Variants in FRMD6 observed in about 807,000 individuals in gnomAD.
The protein encoded by FRMD6 is FERM domain-containing protein 6.
FRMD6 carries 37 observed loss-of-function variants against 73.2 expected under a neutral mutation model. That is an observed-to-expected ratio of 0.51 (90% CI 0.39 to 0.66). The LOEUF is 0.66. FRMD6 is among the 30% of genes least tolerant of loss of function. The probability of loss-of-function intolerance (pLI) is 0.00; values close to 1 mark genes in which losing one functional copy is unlikely to be tolerated. For synonymous variants in FRMD6, 273 were observed against 282.2 expected, an observed-to-expected ratio of 0.97 and a Z score of 0.33; for missense variants, 714 against 780.5, an observed-to-expected ratio of 0.91 and a Z score of 1.02.
chr14:51,406,591 T>G, the FRMD6 span, among the ~76,000 whole-genome samples: 2 of 152,128 alleles, frequency 1.3e-5, no homozygotes, highest in Non-Finnish European at 2.9e-5. Flanking sequence ...CAATTGTGAG[T>G]GGGATTGCCT....
intron 2 of FRMD6, among the ~76,000 whole-genome samples, chr14:51,633,598 CAAAAAAAAA>C (rs375453243): frequency 8.7e-4 from 40 of 45,872 alleles, no homozygotes; most frequent in African/African-American, 2.0e-3. Context: ...AAGACCCTGT[CAAAAAAAAA>C]AAAAAAAAAA....
At chr14:51,439,780 G>A in the FRMD6 span, among the ~76,000 whole-genome samples, 1 of 152,140 alleles carries the variant, frequency 6.6e-6, no homozygotes, top group South Asian at 2.1e-4. Context: ...GTCAATTAGG[G>A]TTTGTTGGAA....
At position 51,492,522 on chromosome 14, in the gene FRMD6, C is replaced by A. The variant is rs187219924; in HGVS notation, c.-210+3102C>A. On this transcript the variant is annotated intron_variant, in intron 1 of 14. Transcript: ENST00000356218. ...GCATACCGAGACCTATCCCCTTAAACGTCTTAGAAACTATTTTTATTGTAT... is the reference window on the plus strand; with the variant it reads ...GCATACCGAGACCTATCCCCTTAAAAGTCTTAGAAACTATTTTTATTGTAT... Among the ~76,000 whole-genome samples the A allele has an allele frequency of 3.3e-5, 5 of 152,062 alleles. No individual in the cohort carries two copies. The South Asian group carries it at 1.0e-3, about 32-fold the overall frequency.
At chr14:51,642,902 G>A (rs1891874959) in intron 2 of FRMD6, among the ~76,000 whole-genome samples, 1 of 152,316 alleles carries the variant, frequency 6.6e-6, no homozygotes, top group South Asian at 2.1e-4. Context: ...AGCCAGGGGA[G>A]CAGGGGATAC....
At chr14:51,688,510 A>T (rs1895329392) in intron 1 of FRMD6, among the ~76,000 whole-genome samples, 1 of 152,102 alleles carries the variant, frequency 6.6e-6, no homozygotes, top group African/African-American at 2.4e-5. Context: ...ATCGGCCAAG[A>T]TTCTATTTCA....
intron 2 of FRMD6, among the ~76,000 whole-genome samples, chr14:51,601,436 T>C (rs951030937): frequency 5.3e-5 from 8 of 152,172 alleles, no homozygotes; most frequent in African/African-American, 1.9e-4. Flanking sequence ...GGAAATGCTG[T>C]CACATCAACC....
chr14:51,428,954 G>GGGGGAGAGAGAGGGGGAGAGAGAGA, the FRMD6 span, among the ~76,000 whole-genome samples: 1 of 55,902 alleles, frequency 1.8e-5, no homozygotes, highest in Non-Finnish European at 3.6e-5. Flanking sequence ...GAGAGACAGA[G>GGGGGAGAGAGAGGGGGAGAGAGAGA]GGGGAGAGAG....
intron 9 of FRMD6, 128 bp from the exon 10 acceptor site, chr14:51,715,197 A>G: frequency 1.4e-6 from 1 of 696,916 alleles, no homozygotes; most frequent in Non-Finnish European, 2.1e-6. Context: ...TTTATCCCAC[A>G]AGGAATTTTA....
the FRMD6 span, among the ~76,000 whole-genome samples, chr14:51,465,719 T>G: frequency 6.6e-6 from 1 of 152,254 alleles, no homozygotes; most frequent in African/African-American, 2.4e-5. Flanking sequence ...ACATTTAGGT[T>G]GTTTCTCATT....
At chr14:51,578,636 T>C (rs1438757847) in intron 2 of FRMD6, among the ~76,000 whole-genome samples, 1 of 152,058 alleles carries the variant, frequency 6.6e-6, no homozygotes, top group Non-Finnish European at 1.5e-5. Context: ...CTTGCATTTG[T>C]TGAATGATGT....
At chr14:51,715,051 C>T (rs1897165122) in intron 9 of FRMD6, 1 of 242,384 alleles carries the variant, frequency 4.1e-6, no homozygotes. Flanking sequence ...AATAACCTGA[C>T]CAGCCAGAGA....
At chr14:51,449,509 G>T in the FRMD6 span, among the ~76,000 whole-genome samples, 1 of 152,142 alleles carries the variant, frequency 6.6e-6, no homozygotes, top group Non-Finnish European at 1.5e-5. Context: ...AGAAGGAGCT[G>T]GCCCACTGTT....
chr14:51,668,995 A>G (rs187723726), intron 1 of FRMD6, among the ~76,000 whole-genome samples: 154 of 152,336 alleles, frequency 1.0e-3, no homozygotes, highest in South Asian at 2.3e-3. Context: ...ATGATGAATC[A>G]TATGCAATAA....
At chr14:51,690,170 A>G (rs1895449708) in intron 2 of FRMD6, among the ~76,000 whole-genome samples, 1 of 152,200 alleles carries the variant, frequency 6.6e-6, no homozygotes, top group Non-Finnish European at 1.5e-5. Context: ...TACTATATTG[A>G]AAAACAAACA....
At chr14:51,556,925 A>G (rs1887167336) in intron 1 of FRMD6, among the ~76,000 whole-genome samples, 1 of 152,186 alleles carries the variant, frequency 6.6e-6, no homozygotes, top group African/African-American at 2.4e-5. Flanking sequence ...TTCCAGACTC[A>G]CAAATTTTAC....
At chr14:51,654,614 A>G (rs1892693541) in intron 1 of FRMD6, among the ~76,000 whole-genome samples, 1 of 151,884 alleles carries the variant, frequency 6.6e-6, no homozygotes, top group South Asian at 2.1e-4. Context: ...AAACCTGCAA[A>G]CAATTATTTT....
At chr14:51,708,793 T>C (rs980762197) in intron 7 of FRMD6, among the ~76,000 whole-genome samples, 6 of 152,142 alleles carry the variant, frequency 3.9e-5, no homozygotes, top group African/African-American at 7.2e-5. Context: ...AGAGATTAAA[T>C]GAATCACCTA....
chr14:51,689,307 T>C (rs917909594), intron 1 of FRMD6, among the ~76,000 whole-genome samples: 3 of 152,236 alleles, frequency 2.0e-5, no homozygotes, highest in Non-Finnish European at 2.9e-5. Context: ...TTGATAGTTA[T>C]GAAAAAGAAC....
chr14:51,705,299 T>C (rs1283184684), intron 6 of FRMD6, among the ~76,000 whole-genome samples: 1 of 152,114 alleles, frequency 6.6e-6, no homozygotes, highest in Non-Finnish European at 1.5e-5. Flanking sequence ...TATTCCTCGC[T>C]TTCCTTTGCT....
Sources: allele counts gnomAD v4.1 joint callset (sites outside exome capture counted in the v4.1 genomes callset), GRCh38; gene constraint gnomAD v4.1.1; transcripts MANE v1.5; gene names NCBI Gene and HGNC (gene_info 2026-07-23, HGNC 2026-07-21).